CAB39L: variants seen among roughly 807,000 people sequenced by gnomAD.
CAB39L encodes the protein calcium-binding protein 39-like.
CAB39L carries 23 observed loss-of-function variants against 39.1 expected under a neutral mutation model. That is an observed-to-expected ratio of 0.59 (90% CI 0.42 to 0.83). The LOEUF (loss-of-function observed/expected upper bound fraction) is 0.83. Among genes scored for constraint, CAB39L ranks in the 40% least tolerant of loss-of-function variants. The pLI, the probability that CAB39L is intolerant of heterozygous loss-of-function variation, is 0.00. For synonymous variants in CAB39L, 126 were observed against 137.2 expected, an observed-to-expected ratio of 0.92 and a Z score of 0.57; for missense variants, 366 against 391.9, an observed-to-expected ratio of 0.93 and a Z score of 0.56.
intron 1 of CAB39L, among the ~76,000 whole-genome samples, chr13:49,439,921 G>GTTTTTTTTTTTTTTTTTTTT (rs34993624): frequency 3.8e-5 from 3 of 78,584 alleles, no homozygotes; most frequent in Non-Finnish European, 4.7e-5. Context: ...TTTTTAATGG[G>GTTTTTTTTTTTTTTTTTTTT]TTTTTTTTTT....
intron 3 of CAB39L, among the ~76,000 whole-genome samples, chr13:49,390,887 A>T (rs1006959230): frequency 8.7e-5 from 13 of 150,156 alleles, no homozygotes; most frequent in Non-Finnish European, 1.8e-4. Flanking sequence ...GCCAATATTG[A>T]TTGAATATAA....
intron 3 of CAB39L, among the ~76,000 whole-genome samples, chr13:49,400,927 G>C (rs1482058137): frequency 6.6e-6 from 1 of 151,712 alleles, no homozygotes; most frequent in Non-Finnish European, 1.5e-5. Context: ...AATGGTTCAA[G>C]TGCCTTAGGC....
At chr13:49,396,340 C>T (rs1240179595) in intron 3 of CAB39L, among the ~76,000 whole-genome samples, 1 of 152,058 alleles carries the variant, frequency 6.6e-6, no homozygotes, top group South Asian at 2.1e-4. Context: ...TTCTTAAGAG[C>T]TTGTTAATTT....
At chr13:49,413,962 A>C (rs562249982) in intron 3 of CAB39L, 2 of 110,390 alleles carry the variant, frequency 1.8e-5, no homozygotes, top group Non-Finnish European at 4.0e-5. Flanking sequence ...ACTCATCCTA[A>C]ACTGCAACAA....
intron 3 of CAB39L, among the ~76,000 whole-genome samples, chr13:49,406,928 G>T (rs7338471): frequency 0.7 from 105,738 of 152,116 alleles, 37,124 homozygotes; most frequent in Middle Eastern, 0.86. Context: ...AACTAATGAA[G>T]TGGTCAGCAT....
chr13:49,387,099 C>A (rs993826300), intron 3 of CAB39L, among the ~76,000 whole-genome samples: 1 of 152,138 alleles, frequency 6.6e-6, no homozygotes, highest in Non-Finnish European at 1.5e-5. Flanking sequence ...AAGTTAATCA[C>A]CCCCTTCTAG....
At chr13:49,384,283 G>A (rs776791872) in intron 3 of CAB39L, among the ~76,000 whole-genome samples, 114 of 152,084 alleles carry the variant, frequency 7.5e-4, no homozygotes, top group Non-Finnish European at 1.3e-3. Flanking sequence ...AAGTTTTATC[G>A]TGAGATTGCA....
chr13:49,390,738 G>A (rs896026262), intron 3 of CAB39L, among the ~76,000 whole-genome samples: 1 of 152,110 alleles, frequency 6.6e-6, no homozygotes, highest in African/African-American at 2.4e-5. Flanking sequence ...TAGCTGATTG[G>A]TAGAAGGGTA....
At chr13:49,339,869 T>TAAA in intron 8 of CAB39L, 127 bp from the exon 9 acceptor site, 2 of 1,152,128 alleles carry the variant, frequency 1.7e-6, no homozygotes, top group Non-Finnish European at 1.1e-6. Flanking sequence ...TCTTTACATG[T>TAAA]GAAGACACTG....
chr13:49,378,278 C>A (rs1348101526), intron 4 of CAB39L, among the ~76,000 whole-genome samples: 1 of 88,332 alleles, frequency 1.1e-5, no homozygotes, highest in South Asian at 3.8e-4. Context: ...GGGTCAACCC[C>A]CCGCCCGGCC....
intron 3 of CAB39L, among the ~76,000 whole-genome samples, chr13:49,415,007 C>A (rs1467873131): frequency 6.6e-6 from 1 of 151,656 alleles, no homozygotes; most frequent in African/African-American, 2.4e-5. Context: ...ACCAGCCTGG[C>A]CAACATGGTG....
chr13:49,368,149 C>T (rs1368548723), intron 5 of CAB39L, among the ~76,000 whole-genome samples: 1 of 152,154 alleles, frequency 6.6e-6, no homozygotes, highest in Non-Finnish European at 1.5e-5. Context: ...TCATACTTCC[C>T]AGTGAAATGT....
intron 3 of CAB39L, among the ~76,000 whole-genome samples, chr13:49,404,496 T>C (rs1956833675): frequency 6.8e-6 from 1 of 147,024 alleles, no homozygotes; most frequent in South Asian, 2.1e-4. Flanking sequence ...AAGATTAGAA[T>C]AAATACCTAA....
chr13:49,371,501 T>C (rs1047525740), intron 5 of CAB39L, among the ~76,000 whole-genome samples: 3 of 152,208 alleles, frequency 2.0e-5, no homozygotes, highest in African/African-American at 7.2e-5. Flanking sequence ...GTCCAGGGAA[T>C]AGAAAAAGAT....
chr13:49,334,001 G>A (rs773500683), intron 9 of CAB39L, among the ~76,000 whole-genome samples: 21 of 152,066 alleles, frequency 1.4e-4, no homozygotes, highest in Admixed American at 2.0e-4. Flanking sequence ...GCCCTCCTCC[G>A]GTTGGGAAGA....
At chr13:49,388,711 G>A (rs1273181147) in intron 3 of CAB39L, among the ~76,000 whole-genome samples, 1 of 152,106 alleles carries the variant, frequency 6.6e-6, no homozygotes, top group Non-Finnish European at 1.5e-5. Flanking sequence ...ATGTGGGAGG[G>A]TGAGAATCTA....
intron 3 of CAB39L, among the ~76,000 whole-genome samples, chr13:49,430,416 T>C (rs759186269): frequency 6.6e-6 from 1 of 152,198 alleles, no homozygotes; most frequent in Non-Finnish European, 1.5e-5. Flanking sequence ...TATAACCTAA[T>C]TGAAAGTGCT....
intron 5 of CAB39L, among the ~76,000 whole-genome samples, chr13:49,360,271 T>C (rs766452980): frequency 6.6e-6 from 1 of 152,264 alleles, no homozygotes; most frequent in Non-Finnish European, 1.5e-5. Flanking sequence ...TCCTTTTTCT[T>C]AGATCTACTT....
intron 3 of CAB39L, chr13:49,413,128 A>G (rs1190819811): frequency 1.3e-5 from 2 of 151,122 alleles, no homozygotes; most frequent in East Asian, 1.9e-4. Flanking sequence ...AACAAAACAA[A>G]ACAAAAAACC....
Sources: gnomAD v4.1 joint callset for allele counts (sites outside exome capture counted in the v4.1 genomes callset) on GRCh38, gnomAD v4.1.1 for gene constraint, MANE v1.5 for transcripts, NCBI Gene and HGNC (gene_info 2026-07-23, HGNC 2026-07-21) for gene names.